Variants in MROH2A observed in about 807,000 individuals in gnomAD.
MROH2A encodes maestro heat-like repeat-containing protein family member 2A.
Under a neutral mutation model 200.4 loss-of-function variants are expected in MROH2A, and 174 were observed. That is an observed-to-expected ratio of 0.87 (90% CI 0.77 to 0.98). The LOEUF (loss-of-function observed/expected upper bound fraction) is 0.98, where lower values mean the gene tolerates loss of function less well. Ranked by LOEUF, MROH2A falls within the 50% of genes least tolerant of loss-of-function variation. The pLI, the probability that MROH2A is intolerant of heterozygous loss-of-function variation, is 0.00. For synonymous variants in MROH2A, 829 were observed against 840.4 expected (o/e 0.99, Z 0.23); for missense variants, 2,045 against 2,139.6 (o/e 0.96, Z 0.87).
intron 39 of MROH2A, among the ~76,000 whole-genome samples, chr2:233,831,862 T>G (rs952343355): frequency 6.6e-6 from 1 of 152,258 alleles, no homozygotes; most frequent in Non-Finnish European, 1.5e-5. Context: ...TATTTTACAA[T>G]TTTTGGGGTA....
chr2:233,824,850 A>G (rs571244982), intron 35 of MROH2A, among the ~76,000 whole-genome samples: 3 of 152,194 alleles, frequency 2.0e-5, no homozygotes, highest in Non-Finnish European at 2.9e-5. Flanking sequence ...TTTTTTTCTA[A>G]TTCTGTGAAG....
rs1702513445 is a variant in MROH2A at position 233,802,150 on chromosome 2, C to T, written c.1561-18C>T. 5.8e-6 allele frequency: 9 copies of T among 1,545,260 alleles called. No individual in the cohort carries two copies. The highest frequency in any genetic ancestry group is 3.9e-5 in the Admixed American group (2 of 50,758). ...TTGGGCTAATTCTGAGCCCCTTTCT[C>T]TCCCACCCCTACCCCAGGAGTTTTG... On this transcript the variant is annotated intron_variant, in intron 14 of 41. Transcript: ENST00000389758.
chr2:233,793,821 C>G lies in MROH2A; in HGVS notation c.819C>G (p.Pro273=). The change falls in exon 7 of 42, where the codon CCC becomes CCG. Residue 273 remains proline, a synonymous_variant. Coordinates refer to ENST00000389758, the MANE Select transcript of MROH2A (RefSeq NM_001394639.1). ...FVTVWLRHYN[P]EVKLGVIKSL... is the part of the protein sequence containing the mutation. ...CAGTGTGGCTGAGGCACTACAACCC[C>G]GAGGTGAGATGCACCCCTCTTAGGA... is the stretch of plus-strand genomic sequence containing the variant. 29 of 1,415,274 alleles carry G rather than the reference C, an allele frequency of 2.0e-5. 1 individual carries two copies. Among genetic ancestry groups the G allele is most frequent in the Non-Finnish European group, 2.7e-5 (29 of 1,080,742 alleles). 87.7% of individuals were successfully genotyped at this position (1,415,274 alleles called of 1,614,324 possible).
intron 39 of MROH2A, among the ~76,000 whole-genome samples, 189 bp from the exon 40 acceptor site, chr2:233,831,988 G>A (rs1559489298): frequency 1.3e-5 from 2 of 152,236 alleles, no homozygotes. Flanking sequence ...TCTCTGGTCA[G>A]ATGGGATATG....
At chr2:233,783,636 C>G (rs1435066160) in intron 3 of MROH2A, among the ~76,000 whole-genome samples, 1 of 152,142 alleles carries the variant, frequency 6.6e-6, no homozygotes, top group Admixed American at 6.5e-5. Context: ...ACCTCTGCCT[C>G]CCGGGTTCAA....
chr2:233,779,518 C>G (rs200606208), intron 2 of MROH2A, 66 bp downstream of exon 2: 4 of 1,413,566 alleles, frequency 2.8e-6, no homozygotes, highest in Middle Eastern at 1.9e-4. Flanking sequence ...TGACTGCAGC[C>G]CCAGCCTAGG....
chr2:233,794,586 G>A, intron 8 of MROH2A, 80 bp downstream of exon 8: 1 of 713,076 alleles, frequency 1.4e-6, no homozygotes, highest in Non-Finnish European at 2.4e-6. Flanking sequence ...GGGATGAGTG[G>A]GAGCCGGGGG....
At chr2:233,829,209 G>A (rs1559486142) in intron 37 of MROH2A, 137 bp downstream of exon 37, 7 of 815,480 alleles carry the variant, frequency 8.6e-6, no homozygotes, top group Non-Finnish European at 1.3e-5. Context: ...GGCTGATCAC[G>A]GGATCTTGTG....
intron 25 of MROH2A, among the ~76,000 whole-genome samples, chr2:233,814,178 A>C (rs377275308): frequency 6.6e-6 from 1 of 152,196 alleles, no homozygotes; most frequent in African/African-American, 2.4e-5. Flanking sequence ...AAGACTTGAG[A>C]GTCATTTTGC....
intron 3 of MROH2A, among the ~76,000 whole-genome samples, chr2:233,784,581 G>A (rs943769353): frequency 1.3e-5 from 2 of 152,168 alleles, no homozygotes; most frequent in Non-Finnish European, 2.9e-5. Context: ...CCTCATGAAT[G>A]TCTTGGTGCC....
intron 15 of MROH2A, chr2:233,802,600 C>T (rs988314655): frequency 1.2e-5 from 4 of 325,354 alleles, no homozygotes; most frequent in South Asian, 6.9e-5. Flanking sequence ...AGCTCCTGGC[C>T]CAGCCTTTCC....
In MROH2A at chr2:233,793,725, G is replaced by A; in HGVS notation, c.723G>A (p.Glu241=). Residue 241 remains glutamate, a synonymous_variant, in exon 7 of 42, where the codon GAG becomes GAA. Coordinates refer to ENST00000389758, the MANE Select transcript of MROH2A (RefSeq NM_001394639.1). ...AGTTTTATCTGAAGCACCTGGAGGA[G>A]AGCGTGTACCCCGTGATGACTGAGG... ...TVQFYLKHLE[E]SVYPVMTEEE... 1 of 1,490,022 alleles carries A rather than the reference G, an allele frequency of 6.7e-7. No individual in the cohort carries two copies. The highest frequency in any genetic ancestry group is 8.9e-7 in the Non-Finnish European group (1 of 1,117,350). 92.3% of individuals were successfully genotyped at this position (1,490,022 alleles called of 1,614,324 possible).
intron 38 of MROH2A, 73 bp from the exon 39 acceptor site, chr2:233,831,336 C>T (rs1574625637): frequency 3.4e-6 from 5 of 1,455,780 alleles, no homozygotes; most frequent in Non-Finnish European, 4.5e-6. Context: ...CCTCTGGCTT[C>T]CTGCCAGCCT....
chr2:233,832,387 G>T, intron 40 of MROH2A, 108 bp downstream of exon 40: 1 of 1,044,866 alleles, frequency 9.6e-7, no homozygotes, highest in Non-Finnish European at 1.4e-6. Context: ...GTGGCAAGCT[G>T]AGACCAGAGC....
At chr2:233,790,843 A>G (rs919704566) in intron 5 of MROH2A, among the ~76,000 whole-genome samples, 33 of 152,076 alleles carry the variant, frequency 2.2e-4, no homozygotes, top group African/African-American at 8.0e-4. Flanking sequence ...ACAGGCAAAC[A>G]AGGAAATAGA....
intron 11 of MROH2A, among the ~76,000 whole-genome samples, chr2:233,798,278 A>G (rs1339620344): frequency 1.1e-4 from 16 of 152,190 alleles, no homozygotes; most frequent in Admixed American, 1.0e-3. Context: ...TCTGTGAGAG[A>G]GGCACTGTCA....
chr2:233,809,389 T>C lies in MROH2A; in HGVS notation c.2448+111T>C, dbSNP rs572466770. 8.4e-6 allele frequency: 10 copies of C among 1,195,780 alleles called. No individual in the cohort carries two copies. In the South Asian group the frequency reaches 1.5e-4, roughly 18 times the overall value. The allele number at this position is 1,195,780 out of a possible 1,614,324, so 74.1% of individuals were successfully genotyped here. A position where few individuals can be genotyped will look rare whatever the true frequency, so the allele number is the denominator to read the frequency against. ...CCTACCCAGGGGACATCCAGGCATC[T>C]TACCTGATGCCCAGCACGTGGGAAG... is the stretch of plus-strand genomic sequence containing the variant. On this transcript the variant is annotated intron_variant, in intron 22 of 41. Coordinates refer to ENST00000389758, the MANE Select transcript of MROH2A (RefSeq NM_001394639.1).
chr2:233,793,918 A>G, intron 7 of MROH2A, 94 bp downstream of exon 7: 1 of 1,228,724 alleles, frequency 8.1e-7, no homozygotes, highest in Non-Finnish European at 1.1e-6. Flanking sequence ...CGTCGGGTCC[A>G]CACTTACTCC....
intron 19 of MROH2A, among the ~76,000 whole-genome samples, chr2:233,806,937 C>T (rs376993229): frequency 3.1e-3 from 479 of 152,222 alleles, no homozygotes; most frequent in African/African-American, 0.011. Flanking sequence ...TTATCCCCCA[C>T]CCCTTTCCTA....
Sources: allele counts gnomAD v4.1 joint callset (sites outside exome capture counted in the v4.1 genomes callset), GRCh38; gene constraint gnomAD v4.1.1; transcripts MANE v1.5; gene names NCBI Gene and HGNC (gene_info 2026-07-23, HGNC 2026-07-21).